The following LAMA2 variants were observed in gnomAD, a reference collection of about 807,000 sequenced individuals.
LAMA2 encodes the protein laminin subunit alpha 2, also known as laminin subunit alpha-2.
In LAMA2, 269 loss-of-function variants were observed where a neutral mutation model predicts 364.8. The observed-to-expected ratio is 0.74, with a 90% CI of 0.67 to 0.82. The LOEUF (loss-of-function observed/expected upper bound fraction) is 0.82. LAMA2 is among the 40% of genes least tolerant of loss of function. The probability of loss-of-function intolerance (pLI) is 0.00; values close to 1 mark genes in which losing one functional copy is unlikely to be tolerated. For missense variants in LAMA2, 3,807 were observed against 3,873.2 expected (o/e 0.98, Z 0.45); for synonymous variants, 1,379 against 1,370.6 (o/e 1.01, Z -0.14).
intron 9 of LAMA2, among the ~76,000 whole-genome samples, chr6:129,171,072 G>A (rs1399594170): frequency 6.6e-6 from 1 of 152,020 alleles, no homozygotes; most frequent in Non-Finnish European, 1.5e-5. Context: ...GTGTGTCTCT[G>A]CACATGAGAT....
intron 3 of LAMA2, among the ~76,000 whole-genome samples, chr6:129,082,572 A>C (rs1378078402): frequency 6.6e-6 from 1 of 152,122 alleles, no homozygotes; most frequent in Non-Finnish European, 1.5e-5. Flanking sequence ...AAAGTATATT[A>C]TATTCTGAAC....
At chr6:128,894,794 G>A (rs1239635211) in intron 1 of LAMA2, among the ~76,000 whole-genome samples, 1 of 152,190 alleles carries the variant, frequency 6.6e-6, no homozygotes, top group Non-Finnish European at 1.5e-5. Flanking sequence ...TAGTACCCCT[G>A]CCTTGATTTG....
Position 129,481,254 on chromosome 6 carries a change from T to C in LAMA2, c.7573-9T>C, listed in dbSNP as rs369082375. On this transcript the variant is annotated splice_polypyrimidine_tract_variant and intron_variant, in intron 54 of 64. Transcript: ENST00000421865. ...AATGGTTTCTACTCTTCTTTTCCTT[T>C]ACTCACAGAATGTTTACACAGTTAG... 6.2e-7 allele frequency: 1 copy of C among 1,611,858 alleles called. No individual in the cohort carries two copies. Among genetic ancestry groups the C allele is most frequent in the African/African-American group, 1.3e-5 (1 of 74,874 alleles).
At chr6:128,987,773 C>A (rs1783357988) in intron 1 of LAMA2, among the ~76,000 whole-genome samples, 1 of 152,174 alleles carries the variant, frequency 6.6e-6, no homozygotes, top group Non-Finnish European at 1.5e-5. Flanking sequence ...AGTCAGCCAA[C>A]TTTTTTCATC....
intron 34 of LAMA2, among the ~76,000 whole-genome samples, chr6:129,380,140 G>A (rs75298637): frequency 0.031 from 4,711 of 152,264 alleles, 213 homozygotes; most frequent in African/African-American, 0.1. Flanking sequence ...TAAGAAAAGA[G>A]AGCATGTGCT....
At chr6:129,067,992 A>T (rs1318224978) in intron 3 of LAMA2, among the ~76,000 whole-genome samples, 1 of 152,182 alleles carries the variant, frequency 6.6e-6, no homozygotes, top group Non-Finnish European at 1.5e-5. Flanking sequence ...CTTACTATGT[A>T]CATGTTACTG....
At chr6:129,466,101 C>A (rs1050597470) in intron 51 of LAMA2, among the ~76,000 whole-genome samples, 3 of 151,800 alleles carry the variant, frequency 2.0e-5, no homozygotes, top group Non-Finnish European at 4.4e-5. Context: ...AAATTTGTAC[C>A]GTCTTTCATT....
intron 33 of LAMA2, among the ~76,000 whole-genome samples, chr6:129,368,433 C>A (rs1385181842): frequency 6.6e-6 from 1 of 152,184 alleles, no homozygotes; most frequent in Non-Finnish European, 1.5e-5. Context: ...GAAAGCCAGG[C>A]AGAGGAACCT....
intron 12 of LAMA2, among the ~76,000 whole-genome samples, chr6:129,230,828 T>A (rs1451751202): frequency 2.0e-5 from 3 of 152,068 alleles, no homozygotes; most frequent in Non-Finnish European, 4.4e-5. Flanking sequence ...ATTAAAATAA[T>A]TGACCATGGA....
At chr6:128,979,416 G>A (rs1018011625) in intron 1 of LAMA2, among the ~76,000 whole-genome samples, 2 of 152,062 alleles carry the variant, frequency 1.3e-5, no homozygotes, top group African/African-American at 4.8e-5. Context: ...AAAAAAATAT[G>A]GACTGCTTTG....
chr6:129,142,770 G>A (rs1358088899), intron 4 of LAMA2, among the ~76,000 whole-genome samples: 1 of 152,002 alleles, frequency 6.6e-6, no homozygotes, highest in Non-Finnish European at 1.5e-5. Context: ...CCATCAGAGA[G>A]TATTACCAAT....
At chr6:128,953,322 A>T (rs1780948950) in intron 1 of LAMA2, among the ~76,000 whole-genome samples, 1 of 152,156 alleles carries the variant, frequency 6.6e-6, no homozygotes, top group Non-Finnish European at 1.5e-5. Context: ...AAAAGCAATG[A>T]AAAAAGGCCC....
At chr6:129,266,374 A>G (rs1449788750) in intron 15 of LAMA2, among the ~76,000 whole-genome samples, 2 of 152,122 alleles carry the variant, frequency 1.3e-5, no homozygotes, top group Non-Finnish European at 2.9e-5. Context: ...TTCAGTTTTT[A>G]TATAATAAAG....
chr6:129,464,732 A>G (rs1462215043), intron 50 of LAMA2, among the ~76,000 whole-genome samples: 1 of 151,966 alleles, frequency 6.6e-6, no homozygotes, highest in African/African-American at 2.4e-5. Flanking sequence ...CCCAGCATGG[A>G]GCCATACAGC....
At chr6:129,120,828 G>T (rs900385593) in intron 4 of LAMA2, among the ~76,000 whole-genome samples, 1 of 147,540 alleles carries the variant, frequency 6.8e-6, no homozygotes, top group Non-Finnish European at 1.5e-5. Flanking sequence ...AAAGGCAAAA[G>T]ATACGGGAAA....
At chr6:129,274,649 A>G (rs1158504278) in intron 17 of LAMA2, among the ~76,000 whole-genome samples, 2 of 152,050 alleles carry the variant, frequency 1.3e-5, no homozygotes, top group Non-Finnish European at 2.9e-5. Flanking sequence ...GAAGCATATA[A>G]TATTTAAATT....
intron 3 of LAMA2, among the ~76,000 whole-genome samples, chr6:129,081,574 A>G (rs1035800601): frequency 6.6e-6 from 1 of 152,146 alleles, no homozygotes; most frequent in African/African-American, 2.4e-5. Flanking sequence ...GGTAATTTCA[A>G]TTGCAATAGG....
intron 4 of LAMA2, among the ~76,000 whole-genome samples, chr6:129,142,212 G>A (rs868024742): frequency 9.2e-5 from 14 of 151,940 alleles, no homozygotes; most frequent in South Asian, 8.3e-4. Flanking sequence ...CAGTTTGGGC[G>A]GCCATAAGAA....
chr6:129,127,941 C>T (rs1177597415), intron 4 of LAMA2, among the ~76,000 whole-genome samples: 1 of 151,998 alleles, frequency 6.6e-6, no homozygotes, highest in African/African-American at 2.4e-5. Context: ...ATTTTCTCCA[C>T]ATTCATAGTT....
Sources: allele counts gnomAD v4.1 joint callset (sites outside exome capture counted in the v4.1 genomes callset), GRCh38; gene constraint gnomAD v4.1.1; transcripts MANE v1.5; gene names NCBI Gene and HGNC (gene_info 2026-07-23, HGNC 2026-07-21).